Variants in NRG3 observed in about 807,000 individuals in gnomAD.
NRG3 encodes neuregulin 3, also known as pro-neuregulin-3, membrane-bound isoform.
A neutral mutation model predicts 66.9 loss-of-function variants in NRG3; 31 were observed. The observed-to-expected ratio is 0.46, with a 90% CI of 0.35 to 0.63. The LOEUF (loss-of-function observed/expected upper bound fraction) is 0.63, where lower values mean the gene tolerates loss of function less well. NRG3 is among the 20% of genes least tolerant of loss of function. The pLI is 0.00. For synonymous variants in NRG3, 393 were observed against 359.4 expected (o/e 1.09, Z -1.06); for missense variants, 910 against 878.9 (o/e 1.04, Z -0.45).
intron 1 of NRG3, among the ~76,000 whole-genome samples, chr10:81,942,341 C>T (rs912812462): frequency 2.0e-5 from 3 of 152,172 alleles, no homozygotes; most frequent in Non-Finnish European, 2.9e-5. Flanking sequence ...AGATGCTACC[C>T]GCTTTCTGAA....
intron 2 of NRG3, among the ~76,000 whole-genome samples, chr10:82,415,030 G>A (rs1293539211): frequency 1.3e-5 from 2 of 152,022 alleles, no homozygotes; most frequent in Non-Finnish European, 2.9e-5. Flanking sequence ...TACCTTATTA[G>A]CAACATCAAA....
chr10:82,650,002 A>T (rs1340081680), intron 2 of NRG3, among the ~76,000 whole-genome samples: 1 of 152,034 alleles, frequency 6.6e-6, no homozygotes, highest in Non-Finnish European at 1.5e-5. Context: ...CTTCTCAAAC[A>T]CTCAGAAAAA....
intron 2 of NRG3, among the ~76,000 whole-genome samples, chr10:82,456,382 G>A (rs1237342122): frequency 1.3e-5 from 2 of 151,886 alleles, no homozygotes; most frequent in Non-Finnish European, 2.9e-5. Flanking sequence ...GCCCAGGCTG[G>A]TATCGAACTC....
At chr10:82,406,384 G>A (rs1188326510) in intron 2 of NRG3, among the ~76,000 whole-genome samples, 1 of 152,104 alleles carries the variant, frequency 6.6e-6, no homozygotes, top group East Asian at 1.9e-4. Context: ...AGCACTTTCA[G>A]GTAGGCCATT....
At chr10:82,247,150 G>A (rs75098973) in intron 1 of NRG3, among the ~76,000 whole-genome samples, 2,010 of 152,252 alleles carry the variant, frequency 0.013, 23 homozygotes, top group Non-Finnish European at 0.021. Context: ...TCCAGTGAAC[G>A]TATTTCAGCA....
intron 2 of NRG3, among the ~76,000 whole-genome samples, chr10:82,429,822 T>G (rs2089681452): frequency 6.6e-6 from 1 of 152,172 alleles, no homozygotes; most frequent in Admixed American, 6.5e-5. Context: ...TATTTGTTTT[T>G]CTTTCTATTC....
intron 4 of NRG3, among the ~76,000 whole-genome samples, chr10:82,904,785 G>T (rs558203902): frequency 6.6e-6 from 1 of 152,190 alleles, no homozygotes; most frequent in South Asian, 2.1e-4. Context: ...GGGTTTCAAT[G>T]GTGATAATGA....
At chr10:82,289,433 A>G (rs1487612842) in intron 1 of NRG3, among the ~76,000 whole-genome samples, 1 of 149,394 alleles carries the variant, frequency 6.7e-6, no homozygotes, top group Non-Finnish European at 1.5e-5. Flanking sequence ...AATACTCAGT[A>G]TATAAACAAG....
Position 81,875,237 on chromosome 10 carries a change from C to A in NRG3, c.-104C>A, listed in dbSNP as rs1398008027. On this transcript the variant is annotated 5_prime_UTR_variant, in exon 1 of 9. Transcript: ENST00000372141. The surrounding 1 kb of genome is among the most constrained non-coding windows in gnomAD (Gnocchi z 5.3). The stretch of plus-strand genomic sequence containing the variant: ...CGCGGCCGCTGCCTGCGCCCGAGCC[C>A]GCCGCCGCCGCCGGAGCCCGCGCCC... 10 of 526,896 alleles carry A rather than the reference C, an allele frequency of 1.9e-5. No homozygotes were observed. The highest frequency in any genetic ancestry group is 2.4e-5 in the Non-Finnish European group (10 of 413,994). 32.6% of individuals were successfully genotyped at this position (526,896 alleles called of 1,614,324 possible). A position where few individuals can be genotyped will look rare whatever the true frequency, so the allele number is the denominator to read the frequency against.
In NRG3 at chr10:82,697,973, G is replaced by T. The variant is rs147766655; in HGVS notation, c.954-40604G>T. 9.5e-4 allele frequency among the ~76,000 whole-genome samples: 144 copies of T among 152,184 alleles called. 2 individuals carry two copies. The East Asian group carries it at 0.027, about 28-fold the overall frequency. The stretch of plus-strand genomic sequence containing the variant: ...GTTGCCCTGTCTTACGAAAGGGAGA[G>T]GGTTGGCAAGAAAAGTCCATCTGAC... On this transcript the variant is annotated intron_variant, in intron 2 of 8. Transcript: ENST00000372141.
intron 4 of NRG3, among the ~76,000 whole-genome samples, chr10:82,900,526 T>G (rs1844115614): frequency 6.6e-6 from 1 of 152,174 alleles, no homozygotes; most frequent in South Asian, 2.1e-4. Flanking sequence ...AATATAGGTA[T>G]AGGAAGAAAT....
At chr10:82,667,569 A>T (rs2052902974) in intron 2 of NRG3, among the ~76,000 whole-genome samples, 1 of 152,158 alleles carries the variant, frequency 6.6e-6, no homozygotes, top group Admixed American at 6.5e-5. Context: ...CAGGCCTGAG[A>T]TAATGACGAA....
At chr10:82,141,177 A>G (rs1329416266) in intron 1 of NRG3, among the ~76,000 whole-genome samples, 1 of 152,194 alleles carries the variant, frequency 6.6e-6, no homozygotes, top group Non-Finnish European at 1.5e-5. Context: ...CTGTATTTCT[A>G]TCATAGGGTT....
chr10:82,192,864 A>G (rs1207814011), intron 1 of NRG3, among the ~76,000 whole-genome samples: 2 of 152,106 alleles, frequency 1.3e-5, no homozygotes, highest in Non-Finnish European at 2.9e-5. Flanking sequence ...ACGTCATAAT[A>G]TCTTTTGATT....
chr10:82,027,819 C>T (rs2062383154), intron 1 of NRG3, among the ~76,000 whole-genome samples: 1 of 152,014 alleles, frequency 6.6e-6, no homozygotes. Flanking sequence ...AATAACTGTA[C>T]CCACACATTG....
chr10:82,279,811 A>T (rs942578000), intron 1 of NRG3, among the ~76,000 whole-genome samples: 3 of 152,224 alleles, frequency 2.0e-5, no homozygotes, highest in African/African-American at 7.2e-5. Context: ...AACTTTAAGG[A>T]TCAATCGAAA....
chr10:81,943,394 A>C (rs1848564706), intron 1 of NRG3, among the ~76,000 whole-genome samples: 1 of 152,136 alleles, frequency 6.6e-6, no homozygotes, highest in Non-Finnish European at 1.5e-5. Flanking sequence ...TGACGCATTA[A>C]GTTTTTGGGT....
intron 2 of NRG3, among the ~76,000 whole-genome samples, chr10:82,488,910 A>C (rs1370753484): frequency 6.6e-6 from 1 of 152,204 alleles, no homozygotes; most frequent in African/African-American, 2.4e-5. Context: ...CTTGCCTTGA[A>C]TTGTGAATTT....
chr10:81,977,432 G>T (rs533164734), intron 1 of NRG3, among the ~76,000 whole-genome samples: 1 of 152,060 alleles, frequency 6.6e-6, no homozygotes, highest in Admixed American at 6.6e-5. Flanking sequence ...AATGTATTTC[G>T]TATTTATTAT....
Sources: allele counts gnomAD v4.1 joint callset (sites outside exome capture counted in the v4.1 genomes callset), GRCh38; gene constraint gnomAD v4.1.1; non-coding constraint Gnocchi (gnomAD v3.1); transcripts MANE v1.5; gene names NCBI Gene and HGNC (gene_info 2026-07-23, HGNC 2026-07-21).